FLVCR2: variants seen among roughly 807,000 people sequenced by gnomAD.
FLVCR2 encodes the protein choline/ethanolamine transporter FLVCR2.
FLVCR2 carries 38 observed loss-of-function variants against 48.9 expected under a neutral mutation model. The observed-to-expected ratio is 0.78, with a 90% CI of 0.60 to 1.02. The LOEUF (loss-of-function observed/expected upper bound fraction) is 1.02. Among genes scored for constraint, FLVCR2 ranks in the 50% least tolerant of loss-of-function variants. The pLI, the probability that FLVCR2 is intolerant of heterozygous loss-of-function variation, is 0.00. For missense variants in FLVCR2, 664 were observed against 663.3 expected, an observed-to-expected ratio of 1.00 and a Z score of -0.01; for synonymous variants, 255 against 257.0, an observed-to-expected ratio of 0.99 and a Z score of 0.07.
At chr14:75,628,487 G>GAACAA (rs1566794149) in intron 3 of FLVCR2, among the ~76,000 whole-genome samples, 1 of 152,136 alleles carries the variant, frequency 6.6e-6, no homozygotes, top group East Asian at 1.9e-4. Flanking sequence ...GGACTTTGAA[G>GAACAA]AACAAAATGG....
chr14:75,644,714 C>T (rs1012010990), intron 9 of FLVCR2, among the ~76,000 whole-genome samples: 4 of 152,126 alleles, frequency 2.6e-5, no homozygotes, highest in Non-Finnish European at 4.4e-5. Flanking sequence ...CCTCTGGAGC[C>T]GTGACATTAC....
At chr14:75,633,549 C>A in intron 3 of FLVCR2, 80 bp from the exon 4 acceptor site, 1 of 1,144,714 alleles carries the variant, frequency 8.7e-7, no homozygotes, top group South Asian at 1.2e-5. Context: ...CTGCCCACCC[C>A]CCAAATGCTG....
At chr14:75,587,440 T>A (rs1462164158) in intron 1 of FLVCR2, among the ~76,000 whole-genome samples, 24 of 152,210 alleles carry the variant, frequency 1.6e-4, no homozygotes, top group Admixed American at 1.6e-3. Flanking sequence ...CTTGTCTTCT[T>A]TTTTGAAGTT....
At chr14:75,590,265 C>T (rs575041591) in intron 1 of FLVCR2, among the ~76,000 whole-genome samples, 2 of 152,302 alleles carry the variant, frequency 1.3e-5, no homozygotes, top group African/African-American at 4.8e-5. Flanking sequence ...AGCACCAAGC[C>T]GTTCATGGGG....
chr14:75,614,453 G>A (rs761917359), intron 1 of FLVCR2, among the ~76,000 whole-genome samples: 17 of 152,222 alleles, frequency 1.1e-4, no homozygotes, highest in Non-Finnish European at 2.2e-4. Context: ...AGGCAATCAC[G>A]CCTAGTGAGG....
chr14:75,632,027 A>G (rs1425233085), intron 3 of FLVCR2, among the ~76,000 whole-genome samples: 1 of 152,150 alleles, frequency 6.6e-6, no homozygotes, highest in African/African-American at 2.4e-5. Context: ...ATTGAGCCCA[A>G]CCTTGTAGCA....
rs778276591 is a variant in FLVCR2 at position 75,579,096 on chromosome 14, AACCCCAGCGTCTCTGTCC to A, written c.133_150del (p.Val45_Ser50del). The A allele has an allele frequency of 2.0e-5, 32 of 1,613,730 alleles. No individual in the cohort carries two copies. Among genetic ancestry groups the A allele is most frequent in the Admixed American group, 8.3e-5 (5 of 59,984 alleles). On this transcript the variant is annotated inframe_deletion, in exon 1 of 10. Coordinates refer to ENST00000238667, the MANE Select transcript of FLVCR2 (RefSeq NM_017791.3). Reference sequence around the variant, plus strand: ...CTCGGTCCATCCCAGCGTCTCCATCAACCCCAGCGTCTCTGTCCACCCCAGCAGTTCGGCCCACCCCAG... The same window carrying A: ...CTCGGTCCATCCCAGCGTCTCCATCAACCCCAGCAGTTCGGCCCACCCCAG...
chr14:75,588,758 C>A lies in FLVCR2; in HGVS notation c.669+9117C>A, dbSNP rs186456047. ...CCTCCCAAAGTGTTTGGATTACAGG[C>A]GTGAGCCACTGCACCTGGCCCCCCA... On this transcript the variant is annotated intron_variant, in intron 1 of 9. Transcript: ENST00000238667. 3.3e-5 allele frequency among the ~76,000 whole-genome samples: 5 copies of A among 152,270 alleles called. No homozygotes were observed. In the East Asian group the frequency reaches 5.8e-4, roughly 18 times the overall value.
At chr14:75,622,360 T>G in intron 2 of FLVCR2, 140 bp downstream of exon 2, 1 of 899,634 alleles carries the variant, frequency 1.1e-6, no homozygotes, top group Non-Finnish European at 1.8e-6. Context: ...TCTTATGGTC[T>G]TCAAATGTTT....
chr14:75,638,281 CA>C (rs1359148057), intron 5 of FLVCR2, among the ~76,000 whole-genome samples: 1 of 151,982 alleles, frequency 6.6e-6, no homozygotes, highest in African/African-American at 2.4e-5. Context: ...ACTAGAAATA[CA>C]AAAAATTAGC....
At chr14:75,612,992 C>A (rs1889498768) in intron 1 of FLVCR2, among the ~76,000 whole-genome samples, 1 of 152,168 alleles carries the variant, frequency 6.6e-6, no homozygotes, top group Non-Finnish European at 1.5e-5. Flanking sequence ...TTTATAGCAA[C>A]AGAATTATGG....
Position 75,579,223 on chromosome 14 carries a change from G to T in FLVCR2, c.251G>T (p.Arg84Leu), listed in dbSNP as rs534378451. The change falls in exon 1 of 10, where the codon CGT (arginine) becomes CTT (leucine). Residue 84 changes from arginine (R) to leucine (L), a missense_variant. Coordinates refer to ENST00000238667, the MANE Select transcript of FLVCR2 (RefSeq NM_017791.3). ...DLSVIKVSRR[R>L]WAVVLVFSCY... ...AGCGTGATCAAGGTGAGCAGGCGCCGTTGGGCCGTGGTCCTGGTGTTTAGC... is the reference window on the plus strand; with the variant it reads ...AGCGTGATCAAGGTGAGCAGGCGCCTTTGGGCCGTGGTCCTGGTGTTTAGC... 4.3e-6 allele frequency: 7 copies of T among 1,614,240 alleles called. No homozygotes were observed. Among genetic ancestry groups the T allele is most frequent in the African/African-American group, 1.3e-5 (1 of 75,064 alleles).
At chr14:75,643,036 A>G (rs1452977689) in intron 9 of FLVCR2, among the ~76,000 whole-genome samples, 2 of 152,102 alleles carry the variant, frequency 1.3e-5, no homozygotes, top group Non-Finnish European at 2.9e-5. Flanking sequence ...TAATGTTTGT[A>G]TTTTTAGTAG....
intron 1 of FLVCR2, among the ~76,000 whole-genome samples, chr14:75,610,001 G>A (rs1397382310): frequency 6.6e-6 from 1 of 152,232 alleles, no homozygotes; most frequent in Non-Finnish European, 1.5e-5. Flanking sequence ...TGGGCAATCA[G>A]TGCCAAAGCA....
intron 9 of FLVCR2, 130 bp from the exon 10 acceptor site, chr14:75,646,271 C>A: frequency 1.4e-6 from 1 of 697,302 alleles, no homozygotes; most frequent in Non-Finnish European, 2.6e-6. Flanking sequence ...TCTTTCTTGG[C>A]TCTCTGGGAT....
chr14:75,602,942 T>G (rs1231369660), intron 1 of FLVCR2, among the ~76,000 whole-genome samples: 2 of 152,228 alleles, frequency 1.3e-5, no homozygotes, highest in African/African-American at 4.8e-5. Context: ...CATCAGCCTT[T>G]ATGCTCTAAA....
At chr14:75,583,537 C>T (rs559526118) in intron 1 of FLVCR2, among the ~76,000 whole-genome samples, 3 of 151,774 alleles carry the variant, frequency 2.0e-5, no homozygotes, top group Middle Eastern at 3.4e-3. Context: ...TGGGGGGATA[C>T]GAGAGGAAGA....
Position 75,624,596 on chromosome 14 carries a change from G to GC in FLVCR2, c.812-16_812-15insC. 1 of 1,614,026 alleles carries GC rather than the reference G, an allele frequency of 6.2e-7. No homozygotes were observed. The highest frequency in any genetic ancestry group is 8.5e-7 in the Non-Finnish European group (1 of 1,179,952). On this transcript the variant is annotated splice_polypyrimidine_tract_variant and intron_variant, in intron 2 of 9. Transcript: ENST00000238667. ...ACCATGGGAATTTTCAGCCATCTCT[G>GC]TTTTTTTCCTTTCAGTGTTCAAGGA...
chr14:75,612,774 A>C (rs1360423861), intron 1 of FLVCR2, among the ~76,000 whole-genome samples: 1 of 152,092 alleles, frequency 6.6e-6, no homozygotes, highest in Admixed American at 6.5e-5. Context: ...TTTCTGGGGC[A>C]TCCGCAGACT....
Sources: gnomAD v4.1 joint callset for allele counts (sites outside exome capture counted in the v4.1 genomes callset) on GRCh38, gnomAD v4.1.1 for gene constraint, MANE v1.5 for transcripts, NCBI Gene and HGNC (gene_info 2026-07-23, HGNC 2026-07-21) for gene names.